TENM2: variants seen among roughly 807,000 people sequenced by gnomAD.
The protein encoded by TENM2 is teneurin-2.
In TENM2, 52 loss-of-function variants were observed where a neutral mutation model predicts 245.2. That is an observed-to-expected ratio of 0.21 (90% CI 0.17 to 0.27). The LOEUF (loss-of-function observed/expected upper bound fraction) is 0.27, where lower values mean the gene tolerates loss of function less well. Among genes scored for constraint, TENM2 ranks in the 10% least tolerant of loss-of-function variants. TENM2 has a pLI of 1.00. For synonymous variants in TENM2, 1,363 were observed against 1,438.9 expected (o/e 0.95, Z 1.19); for missense variants, 3,046 against 3,666.8 (o/e 0.83, Z 4.37).
the TENM2 span, among the ~76,000 whole-genome samples, chr5:167,164,376 C>A: frequency 6.6e-6 from 1 of 152,194 alleles, no homozygotes; most frequent in Non-Finnish European, 1.5e-5. Flanking sequence ...GATGTCAAGA[C>A]ATGCAGCCAT....
chr5:167,230,115 T>C, the TENM2 span, among the ~76,000 whole-genome samples: 1 of 152,154 alleles, frequency 6.6e-6, no homozygotes, highest in Non-Finnish European at 1.5e-5. Context: ...GGCACTGTGC[T>C]GCCACTGCTT....
intron 2 of TENM2, among the ~76,000 whole-genome samples, chr5:167,707,092 A>G (rs1758586002): frequency 6.7e-6 from 1 of 148,872 alleles, no homozygotes; most frequent in South Asian, 2.1e-4. Flanking sequence ...TGTTTTCTTC[A>G]TAGTAGCCAT....
At chr5:167,546,205 G>A (rs769971218) in intron 2 of TENM2, among the ~76,000 whole-genome samples, 11 of 152,284 alleles carry the variant, frequency 7.2e-5, no homozygotes, top group Middle Eastern at 3.4e-3. Context: ...ATGCTGCGTG[G>A]ACCACCTAAT....
the TENM2 span, among the ~76,000 whole-genome samples, chr5:167,079,422 T>C: frequency 6.6e-6 from 1 of 150,986 alleles, no homozygotes; most frequent in African/African-American, 2.4e-5. Flanking sequence ...CAAGAGATTC[T>C]CCTGTCTCAG....
chr5:168,095,434 G>C (rs1300125758), intron 8 of TENM2, among the ~76,000 whole-genome samples: 1 of 152,184 alleles, frequency 6.6e-6, no homozygotes, highest in African/African-American at 2.4e-5. Context: ...TTTGCTTGCT[G>C]GTTTCAGCTT....
intron 2 of TENM2, among the ~76,000 whole-genome samples, chr5:167,440,978 C>T (rs1281327990): frequency 6.6e-6 from 1 of 152,092 alleles, no homozygotes; most frequent in Non-Finnish European, 1.5e-5. Context: ...TATGGATGTT[C>T]CAAACTGCTA....
rs116339693 is a variant in TENM2 at position 168,155,064 on chromosome 5, G to A, written c.2423-7547G>A. Among the ~76,000 whole-genome samples, 583 of 152,288 alleles carry A rather than the reference G, an allele frequency of 3.8e-3. 2 individuals are homozygous for A. The highest frequency in any genetic ancestry group is 0.01 in the Middle Eastern group (3 of 294). On this transcript the variant is annotated intron_variant, in intron 12 of 28. Coordinates refer to ENST00000518659, the Ensembl canonical transcript of TENM2. ...GCAAGCAAGAGGGACAATCCCTGCC[G>A]TTTTCCAGAGACCAGAGACCAGGGT...
At chr5:168,077,352 G>T (rs1791567261) in intron 7 of TENM2, among the ~76,000 whole-genome samples, 2 of 151,856 alleles carry the variant, frequency 1.3e-5, no homozygotes, top group Admixed American at 1.3e-4. Context: ...GATCTTTAGT[G>T]AGTACCCACT....
chr5:167,616,984 T>C (rs1472384347), intron 2 of TENM2, among the ~76,000 whole-genome samples: 6 of 152,168 alleles, frequency 3.9e-5, no homozygotes, highest in African/African-American at 1.4e-4. Flanking sequence ...CTTGTGCCTA[T>C]ACACATGCAA....
At chr5:167,265,325 C>G in the TENM2 span, among the ~76,000 whole-genome samples, 1 of 100,958 alleles carries the variant, frequency 9.9e-6, no homozygotes, top group Non-Finnish European at 1.8e-5. Context: ...CAGTGAGACT[C>G]TGTCTCAAAA....
Position 167,974,032 on chromosome 5 carries a change from GAAGGA to G in TENM2, c.948-18911_948-18907del, listed in dbSNP as rs374103692. Among the ~76,000 whole-genome samples the G allele has an allele frequency of 2.8e-3, 175 of 63,356 alleles. 8 individuals are homozygous for G. In the East Asian group the frequency reaches 0.039, roughly 14 times the overall value. 41.6% of individuals were successfully genotyped at this position (63,356 alleles called of 152,430 possible). Reference sequence around the variant, plus strand: ...GGGAGGGAGGGAGGGAGGAAGGAAGGAAGGAGAAGGAAGGAAGGGAGGAAAGGAGG... The same window carrying G: ...GGGAGGGAGGGAGGGAGGAAGGAAGGGAAGGAAGGAAGGGAGGAAAGGAGG... On this transcript the variant is annotated intron_variant, in intron 4 of 28. Coordinates refer to ENST00000518659, the Ensembl canonical transcript of TENM2.
intron 14 of TENM2, among the ~76,000 whole-genome samples, chr5:168,193,739 A>C (rs1234382470): frequency 6.6e-6 from 1 of 152,250 alleles, no homozygotes; most frequent in Non-Finnish European, 1.5e-5. Context: ...TGTGGTCGTC[A>C]ACACACATCA....
At chr5:168,133,787 C>A (rs1048953139) in intron 12 of TENM2, among the ~76,000 whole-genome samples, 8 of 152,220 alleles carry the variant, frequency 5.3e-5, no homozygotes, top group Admixed American at 6.5e-5. Context: ...AAAGAAAAGA[C>A]ATGGCTCATC....
chr5:167,120,826 T>C, the TENM2 span, among the ~76,000 whole-genome samples: 1 of 152,220 alleles, frequency 6.6e-6, no homozygotes, highest in East Asian at 1.9e-4. Context: ...GCTTGGAGTG[T>C]TGTGTTAATA....
chr5:167,564,934 G>A (rs529031143), intron 2 of TENM2, among the ~76,000 whole-genome samples: 1 of 152,220 alleles, frequency 6.6e-6, no homozygotes, highest in South Asian at 2.1e-4. Context: ...GAGTCAGTAT[G>A]AGAGAGAACT....
At chr5:168,258,524 C>T (rs1232250963) in intron 27 of TENM2, among the ~76,000 whole-genome samples, 2 of 151,962 alleles carry the variant, frequency 1.3e-5, no homozygotes, top group Non-Finnish European at 2.9e-5. Flanking sequence ...AAAGTGGAAA[C>T]AACCCAAATA....
chr5:167,242,961 A>G, the TENM2 span, among the ~76,000 whole-genome samples: 53 of 152,238 alleles, frequency 3.5e-4, no homozygotes, highest in African/African-American at 1.2e-3. Flanking sequence ...TTTCAGAAGG[A>G]GTAGGGCTCA....
At chr5:167,439,916 T>C (rs1764785919) in intron 2 of TENM2, among the ~76,000 whole-genome samples, 1 of 152,192 alleles carries the variant, frequency 6.6e-6, no homozygotes, top group African/African-American at 2.4e-5. Context: ...TTTATCTATA[T>C]TGCATTATTG....
chr5:167,157,172 C>A, the TENM2 span, among the ~76,000 whole-genome samples: 1 of 152,118 alleles, frequency 6.6e-6, no homozygotes, highest in African/African-American at 2.4e-5. Flanking sequence ...GTTCCTTCTA[C>A]CTTGTACAAA....
Sources: gnomAD v4.1 joint callset for allele counts (sites outside exome capture counted in the v4.1 genomes callset) on GRCh38, gnomAD v4.1.1 for gene constraint, MANE v1.5 for transcripts, NCBI Gene and HGNC (gene_info 2026-07-23, HGNC 2026-07-21) for gene names.